Variants in PRKD1 observed in about 807,000 individuals in gnomAD.
PRKD1 encodes the protein protein kinase D1.
Under a neutral mutation model 95.9 loss-of-function variants are expected in PRKD1, and 63 were observed. That is an observed-to-expected ratio of 0.66 (90% confidence interval 0.54 to 0.81). PRKD1 has a LOEUF of 0.81. Among genes scored for constraint, PRKD1 ranks in the 30% least tolerant of loss-of-function variants. PRKD1 has a pLI of 0.00. For synonymous variants in PRKD1, 425 were observed against 423.1 expected (o/e 1.00, Z -0.05); for missense variants, 1,048 against 1,165.3 (o/e 0.90, Z 1.47).
At chr14:29,665,551 G>T (rs1158010458) in intron 3 of PRKD1, among the ~76,000 whole-genome samples, 1 of 152,094 alleles carries the variant, frequency 6.6e-6, no homozygotes, top group Non-Finnish European at 1.5e-5. Context: ...TGCTGCAAAA[G>T]ACATTATTTT....
At chr14:29,608,751 A>G (rs10149324) in intron 13 of PRKD1, among the ~76,000 whole-genome samples, 74,105 of 152,056 alleles carry the variant, frequency 0.49, 19,869 homozygotes, top group East Asian at 0.68. Flanking sequence ...TCACATGAAA[A>G]TTCTCCTGCT....
chr14:29,757,127 AAC>A (rs1887739271), intron 1 of PRKD1, among the ~76,000 whole-genome samples: 1 of 152,202 alleles, frequency 6.6e-6, no homozygotes, highest in South Asian at 2.1e-4. Context: ...CAGTAGCATT[AAC>A]ACATCATATT....
At chr14:29,767,109 G>A (rs916487109) in intron 1 of PRKD1, among the ~76,000 whole-genome samples, 14 of 152,036 alleles carry the variant, frequency 9.2e-5, no homozygotes, top group African/African-American at 3.4e-4. Context: ...TCCAAATCCT[G>A]ATTTTCATGC....
At chr14:29,687,909 T>C (rs954980480) in intron 2 of PRKD1, among the ~76,000 whole-genome samples, 5 of 152,162 alleles carry the variant, frequency 3.3e-5, no homozygotes, top group African/African-American at 1.2e-4. Context: ...ATAATCTGAT[T>C]TCATCTACCT....
intron 4 of PRKD1, among the ~76,000 whole-genome samples, chr14:29,658,350 T>C (rs1228306180): frequency 6.6e-6 from 1 of 152,190 alleles, no homozygotes; most frequent in East Asian, 1.9e-4. Flanking sequence ...AAGGGTTCCA[T>C]GTTAGAGTGG....
At chr14:29,638,286 A>T (rs2139135077) in intron 6 of PRKD1, 1 of 579,156 alleles carries the variant, frequency 1.7e-6, no homozygotes, top group East Asian at 2.8e-5. Context: ...CCATGTAAAG[A>T]TCATGAAAGG....
Position 29,630,810 on chromosome 14 carries a change from G to A in PRKD1, c.1604C>T (p.Ala535Val). 4.3e-6 allele frequency: 7 copies of A among 1,614,096 alleles called. No individual in the cohort carries two copies. Among genetic ancestry groups the A allele is most frequent in the Non-Finnish European group, 5.1e-6 (6 of 1,179,988 alleles). ...GADVARMWEIAIQHALMPVIP... is the reference protein window; with the variant it reads ...GADVARMWEIVIQHALMPVIP... ...GACGGGCATAAGGGCATGCTGGATGGCTATCTCCCACATCCTGGCCACATC... is the reference window on the plus strand; with the variant it reads ...GACGGGCATAAGGGCATGCTGGATGACTATCTCCCACATCCTGGCCACATC... The change falls in exon 10 of 18, where the codon GCC becomes GTC. Residue 535 changes from alanine to valine, a missense_variant. Ala to Val is a moderately conservative substitution (Grantham distance 64, BLOSUM62 0). Transcript: ENST00000331968.
intron 2 of PRKD1, among the ~76,000 whole-genome samples, chr14:29,683,221 G>C (rs548029172): frequency 1.2e-4 from 18 of 152,272 alleles, no homozygotes; most frequent in African/African-American, 4.1e-4. Flanking sequence ...TAGAAACAGA[G>C]AAGAGAAAAC....
intron 2 of PRKD1, among the ~76,000 whole-genome samples, chr14:29,709,489 T>C (rs867621919): frequency 5.3e-5 from 8 of 152,214 alleles, no homozygotes; most frequent in Non-Finnish European, 8.8e-5. Flanking sequence ...ACGGTTGTTA[T>C]ATTAGGATTC....
intron 1 of PRKD1, among the ~76,000 whole-genome samples, chr14:29,851,392 A>C (rs1234152043): frequency 1.3e-5 from 2 of 152,118 alleles, no homozygotes; most frequent in Admixed American, 1.3e-4. Flanking sequence ...GAACAAAAAC[A>C]AAAACAAAAC....
intron 1 of PRKD1, among the ~76,000 whole-genome samples, chr14:29,774,717 G>T (rs946824017): frequency 4.0e-5 from 6 of 150,710 alleles, no homozygotes; most frequent in African/African-American, 1.5e-4. Context: ...TTCATTTAAA[G>T]AGGAGGAAAC....
intron 1 of PRKD1, among the ~76,000 whole-genome samples, chr14:29,732,798 GAGA>G (rs1429651600): frequency 6.6e-6 from 1 of 151,834 alleles, no homozygotes; most frequent in Non-Finnish European, 1.5e-5. Flanking sequence ...TATTTCTGAT[GAGA>G]AGTATGTGTT....
intron 13 of PRKD1, among the ~76,000 whole-genome samples, chr14:29,603,871 AT>A (rs1456764697): frequency 6.6e-6 from 1 of 152,184 alleles, no homozygotes; most frequent in Non-Finnish European, 1.5e-5. Context: ...AAGCAATTTA[AT>A]TTTCAGGAAA....
chr14:29,876,396 T>C (rs1893291391), intron 1 of PRKD1, among the ~76,000 whole-genome samples: 1 of 152,176 alleles, frequency 6.6e-6, no homozygotes. Flanking sequence ...AAATTTTCTG[T>C]ATCCTGATTT....
chr14:29,753,985 T>C (rs1020970386), intron 1 of PRKD1, among the ~76,000 whole-genome samples: 1 of 152,178 alleles, frequency 6.6e-6, no homozygotes, highest in African/African-American at 2.4e-5. Flanking sequence ...TCATTTATCT[T>C]AATTAAATAG....
intron 1 of PRKD1, among the ~76,000 whole-genome samples, chr14:29,828,300 G>C (rs145924175): frequency 0.013 from 2,005 of 152,228 alleles, 40 homozygotes; most frequent in African/African-American, 0.041. Context: ...GAGCAGGCAT[G>C]TCACATGGTG....
At chr14:29,807,160 T>A (rs563637885) in intron 1 of PRKD1, among the ~76,000 whole-genome samples, 63 of 152,254 alleles carry the variant, frequency 4.1e-4, no homozygotes, top group African/African-American at 1.5e-3. Flanking sequence ...CTTATGAGAA[T>A]CTGATGCCGC....
chr14:29,754,570 T>C (rs1887613345), intron 1 of PRKD1, among the ~76,000 whole-genome samples: 2 of 152,126 alleles, frequency 1.3e-5, no homozygotes, highest in South Asian at 4.1e-4. Context: ...TTTCCAATTA[T>C]CTATTAATCA....
chr14:29,828,049 T>G (rs1891266548), intron 1 of PRKD1, among the ~76,000 whole-genome samples: 1 of 152,158 alleles, frequency 6.6e-6, no homozygotes, highest in Admixed American at 6.6e-5. Context: ...TCTCTATGTC[T>G]TCCTCTCACC....
Sources: allele counts gnomAD v4.1 joint callset (sites outside exome capture counted in the v4.1 genomes callset), GRCh38; gene constraint gnomAD v4.1.1; transcripts MANE v1.5; gene names NCBI Gene and HGNC (gene_info 2026-07-23, HGNC 2026-07-21).